Variants in L2HGDH observed in about 807,000 individuals in gnomAD.
L2HGDH encodes the protein L-2-hydroxyglutarate dehydrogenase, mitochondrial.
L2HGDH carries 34 observed loss-of-function variants against 51.5 expected under a neutral mutation model. That is an observed-to-expected ratio of 0.66 (90% CI 0.50 to 0.88). The LOEUF (loss-of-function observed/expected upper bound fraction) is 0.88, where lower values mean the gene tolerates loss of function less well. Ranked by LOEUF, L2HGDH falls within the 40% of genes least tolerant of loss-of-function variation. The pLI is 0.00. For synonymous variants in L2HGDH, 198 were observed against 197.9 expected (o/e 1.00, Z -0.01); for missense variants, 558 against 571.9 (o/e 0.98, Z 0.25).
intron 1 of L2HGDH, chr14:50,311,294 G>T (rs2031148939): frequency 2.2e-6 from 1 of 454,400 alleles, no homozygotes; most frequent in African/African-American, 2.0e-5. Flanking sequence ...TAAAAACCTT[G>T]CTGTGATGTA....
intron 8 of L2HGDH, 22 bp from the exon 9 acceptor site, chr14:50,265,511 CT>C: frequency 6.2e-7 from 1 of 1,601,936 alleles, no homozygotes; most frequent in Non-Finnish European, 8.5e-7. Flanking sequence ...GAAAAAAAAT[CT>C]TTATGAGAGA....
intron 9 of L2HGDH, among the ~76,000 whole-genome samples, chr14:50,262,428 CAAAA>C (rs10710877): frequency 1.8e-5 from 2 of 113,534 alleles, no homozygotes; most frequent in Admixed American, 9.1e-5. Flanking sequence ...GACTCTGTCT[CAAAA>C]AAAAAAAAAA....
chr14:50,282,783 C>T (rs1022985519), intron 5 of L2HGDH, among the ~76,000 whole-genome samples: 3 of 152,112 alleles, frequency 2.0e-5, no homozygotes, highest in East Asian at 1.9e-4. Context: ...GGCTCACGCC[C>T]GTAATTCTAG....
intron 3 of L2HGDH, among the ~76,000 whole-genome samples, chr14:50,297,636 G>A (rs115125230): frequency 2.9e-4 from 44 of 152,110 alleles, no homozygotes; most frequent in African/African-American, 1.0e-3. Flanking sequence ...CCAGCACATG[G>A]ATCATTCTCA....
At chr14:50,308,733 C>T (rs1285230936) in intron 1 of L2HGDH, among the ~76,000 whole-genome samples, 2 of 152,188 alleles carry the variant, frequency 1.3e-5, no homozygotes, top group Non-Finnish European at 2.9e-5. Context: ...GGACTTACTA[C>T]ATGACTCAGT....
chr14:50,291,453 G>A (rs1441160224), intron 4 of L2HGDH, among the ~76,000 whole-genome samples: 1 of 152,142 alleles, frequency 6.6e-6, no homozygotes, highest in Non-Finnish European at 1.5e-5. Context: ...GAAATGGGAA[G>A]TAACAAGACC....
chr14:50,282,063 A>G (rs921640035), intron 5 of L2HGDH, among the ~76,000 whole-genome samples: 1 of 152,084 alleles, frequency 6.6e-6, no homozygotes, highest in African/African-American at 2.4e-5. Flanking sequence ...GATGGTCTCT[A>G]TCTCTTGACC....
Position 50,244,837 on chromosome 14 carries a change from G to C in L2HGDH, c.*2221C>G, listed in dbSNP as rs191612242. ...CACCCATCCATCATACAGCTTTGGAGAGCTAAGAGGAAAGAAGACATACAC... is the reference window on the plus strand; with the variant it reads ...CACCCATCCATCATACAGCTTTGGACAGCTAAGAGGAAAGAAGACATACAC... On this transcript the variant is annotated 3_prime_UTR_variant, in exon 10 of 10. Transcript: ENST00000267436. 3.6e-5 allele frequency: 35 copies of C among 985,424 alleles called. No individual in the cohort carries two copies. The highest frequency in any genetic ancestry group is 4.2e-5 in the Non-Finnish European group (35 of 829,930). The allele number at this position is 985,424 out of a possible 1,614,324, so 61.0% of individuals were successfully genotyped here.
At chr14:50,250,342 G>C (rs2139931101) in intron 9 of L2HGDH, among the ~76,000 whole-genome samples, 1 of 152,330 alleles carries the variant, frequency 6.6e-6, no homozygotes, top group African/African-American at 2.4e-5. Context: ...GAATATTGGT[G>C]GTGGCCTGGC....
At position 50,245,656 on chromosome 14, in the gene L2HGDH, C is replaced by T. The variant is rs983288169; in HGVS notation, c.*1402G>A. ...ACTCTTCAAAATTAAAAGAATGTAA[C>T]CTACAATATAATGTATTTTCTTGTC... On this transcript the variant is annotated 3_prime_UTR_variant, in exon 10 of 10. Transcript: ENST00000267436. 2.0e-6 allele frequency: 2 copies of T among 981,830 alleles called. No individual in the cohort carries two copies. Among genetic ancestry groups the T allele is most frequent in the African/African-American group, 3.5e-5 (2 of 57,082 alleles). 60.8% of individuals were successfully genotyped at this position (981,830 alleles called of 1,614,324 possible).
At chr14:50,267,561 T>C (rs912475127) in intron 8 of L2HGDH, among the ~76,000 whole-genome samples, 192 bp downstream of exon 8, 8 of 124,190 alleles carry the variant, frequency 6.4e-5, no homozygotes, top group Admixed American at 7.7e-5. Context: ...AAGGCATTTT[T>C]TTTTTTGTTT....
At chr14:50,248,949 C>T (rs578007397) in intron 9 of L2HGDH, among the ~76,000 whole-genome samples, 10 of 152,190 alleles carry the variant, frequency 6.6e-5, no homozygotes, top group Admixed American at 6.5e-4. Flanking sequence ...TCCCTCACCC[C>T]CTAGCAGCAG....
intron 7 of L2HGDH, among the ~76,000 whole-genome samples, chr14:50,268,137 G>C (rs1444252900): frequency 6.6e-6 from 1 of 152,130 alleles, no homozygotes; most frequent in Non-Finnish European, 1.5e-5. Flanking sequence ...TCAACACTTT[G>C]GGAGGCTGAG....
Position 50,247,143 on chromosome 14 carries a change from C to G in L2HGDH, c.1307G>C (p.Arg436Thr). 1 of 1,614,098 alleles carries G rather than the reference C, an allele frequency of 6.2e-7. No individual in the cohort carries two copies. The highest frequency in any genetic ancestry group is 1.1e-5 in the South Asian group (1 of 91,086). The change falls in exon 10 of 10, where the codon AGA becomes ACA. Residue 436 changes from arginine to threonine, a missense_variant. Coordinates refer to ENST00000267436, the MANE Select transcript of L2HGDH (RefSeq NM_024884.3). ...GDIGNRILHV[R>T]NAPSPAATSS... ...AGTAGCAGCAGGAGAAGGTGCATTTCTCACATGAAGAATGCGATTTCCAAT... is the reference window on the plus strand; with the variant it reads ...AGTAGCAGCAGGAGAAGGTGCATTTGTCACATGAAGAATGCGATTTCCAAT...
intron 6 of L2HGDH, among the ~76,000 whole-genome samples, chr14:50,275,971 C>T (rs978831972): frequency 6.6e-6 from 1 of 152,126 alleles, no homozygotes; most frequent in Non-Finnish European, 1.5e-5. Context: ...TACTGCAACA[C>T]CTGGCCACTT....
intron 6 of L2HGDH, among the ~76,000 whole-genome samples, chr14:50,270,936 T>C (rs111666373): frequency 3.3e-5 from 5 of 152,360 alleles, no homozygotes; most frequent in African/African-American, 1.2e-4. Flanking sequence ...AAAAATTAGA[T>C]GCAACTTCTC....
intron 9 of L2HGDH, among the ~76,000 whole-genome samples, chr14:50,255,669 T>C (rs1448324280): frequency 6.6e-6 from 1 of 152,040 alleles, no homozygotes; most frequent in Non-Finnish European, 1.5e-5. Context: ...TTGCACATAG[T>C]AGGCATTCAA....
intron 1 of L2HGDH, 121 bp from the exon 2 acceptor site, chr14:50,303,138 C>T (rs372045111): frequency 1.1e-5 from 8 of 700,190 alleles, no homozygotes; most frequent in Admixed American, 2.1e-5. Context: ...AAAACGTATT[C>T]GGCGGCCGGT....
At chr14:50,287,523 A>C (rs1595120362) in intron 4 of L2HGDH, among the ~76,000 whole-genome samples, 1 of 152,172 alleles carries the variant, frequency 6.6e-6, no homozygotes, top group Middle Eastern at 3.4e-3. Flanking sequence ...TTTCATGAGC[A>C]AATAAAAATT....
Sources: allele counts gnomAD v4.1 joint callset (sites outside exome capture counted in the v4.1 genomes callset), GRCh38; gene constraint gnomAD v4.1.1; transcripts MANE v1.5; gene names NCBI Gene and HGNC (gene_info 2026-07-23, HGNC 2026-07-21).